Variants in CD4 observed in about 807,000 individuals in gnomAD.
CD4 encodes the protein T-cell surface glycoprotein CD4.
In CD4, 25 loss-of-function variants were observed where a neutral mutation model predicts 50.5. The observed-to-expected ratio is 0.49, with a 90% CI of 0.36 to 0.69. CD4 has a LOEUF of 0.69. CD4 is among the 30% of genes least tolerant of loss of function. CD4 has a pLI of 0.00. For missense variants in CD4, 456 were observed against 548.5 expected, an observed-to-expected ratio of 0.83 and a Z score of 1.68; for synonymous variants, 207 against 221.9, an observed-to-expected ratio of 0.93 and a Z score of 0.60.
rs999862168 is a variant in CD4 at position 6,818,208 on chromosome 12, T to C, written c.1157-213T>C. Reference sequence around the variant, plus strand: ...ACAGCCCAGGAGCCAGACCACAGCTTCTCTCTCTCCAGAGTGCCCTGGATA... The same window carrying C: ...ACAGCCCAGGAGCCAGACCACAGCTCCTCTCTCTCCAGAGTGCCCTGGATA... On this transcript the variant is annotated intron_variant, in intron 7 of 9. Transcript: ENST00000011653. This position sits in a 1 kb window ranked among gnomAD's most constrained non-coding sequence, Gnocchi z 5.0. 8.5e-5 allele frequency among the ~76,000 whole-genome samples: 13 copies of C among 152,074 alleles called. No individual in the cohort carries two copies. The highest frequency in any genetic ancestry group is 1.2e-4 in the Non-Finnish European group (8 of 67,998).
intron 3 of CD4, among the ~76,000 whole-genome samples, chr12:6,806,439 G>A (rs1942761174): frequency 6.6e-6 from 1 of 151,998 alleles, no homozygotes; most frequent in Non-Finnish European, 1.5e-5. Flanking sequence ...GAGCCAAGAT[G>A]TTGCCTGGTT....
Position 6,815,691 on chromosome 12 carries a change from G to A in CD4, c.608-365G>A, listed in dbSNP as rs1010118898. On this transcript the variant is annotated intron_variant, in intron 5 of 9. Coordinates refer to ENST00000011653, the MANE Select transcript of CD4 (RefSeq NM_000616.5). ...GGCACTGAAAATGGTGCCTGGCACA[G>A]AGTAAGCCCTAGTTAAGTGTTCGCT... The A allele has an allele frequency of 1.8e-5, 24 of 1,306,462 alleles. No individual in the cohort carries two copies. The East Asian group carries it at 1.1e-3, about 62-fold the overall frequency. The allele number at this position is 1,306,462 out of a possible 1,614,324, so 80.9% of individuals were successfully genotyped here.
intron 1 of CD4, among the ~76,000 whole-genome samples, chr12:6,791,274 G>T (rs1433403928): frequency 6.6e-6 from 1 of 152,102 alleles, no homozygotes; most frequent in African/African-American, 2.4e-5. Flanking sequence ...ACGGAGTCTC[G>T]CTCTCTTGCC....
rs143646863 is a variant in CD4 at position 6,814,954 on chromosome 12, A to G, written c.569A>G (p.Gln190Arg). ...TGGACATGCACTGTCTTGCAGAACC[A>G]GAAGAAGGTGGAGTTCAAAATAGAC... ...GTWTCTVLQN[Q>R]KKVEFKIDIV... Residue 190 changes from glutamine to arginine, a missense_variant, in exon 5 of 10, where the codon CAG (glutamine) becomes CGG (arginine). Physicochemically the swap from Gln to Arg is conservative, Grantham distance 43 (BLOSUM62 1). Coordinates refer to ENST00000011653, the MANE Select transcript of CD4 (RefSeq NM_000616.5). The G allele has an allele frequency of 6.2e-7, 1 of 1,613,578 alleles. No individual in the cohort carries two copies. Among genetic ancestry groups the G allele is most frequent in the African/African-American group, 1.3e-5 (1 of 75,006 alleles).
rs866248258 is a variant in CD4, at chr12:6,792,460, G to A, written c.-68+2798G>A. ...TTCCTCTTTTTTTGTACTACCCTGC[G>A]CTTTGTGTGTGATTGTGGATTGTGT... On this transcript the variant is annotated intron_variant, in intron 1 of 9. Coordinates refer to ENST00000011653, the MANE Select transcript of CD4 (RefSeq NM_000616.5). This position sits in a 1 kb window ranked among gnomAD's most constrained non-coding sequence, Gnocchi z 4.1. Among the ~76,000 whole-genome samples the A allele has an allele frequency of 2.6e-5, 4 of 151,976 alleles. No individual in the cohort carries two copies. The highest frequency in any genetic ancestry group is 6.5e-5 in the Admixed American group (1 of 15,270).
chr12:6,792,146 C>T lies in CD4; in HGVS notation c.-68+2484C>T, dbSNP rs1248291170. 6.6e-6 allele frequency among the ~76,000 whole-genome samples: 1 copy of T among 152,156 alleles called. No homozygotes were observed. The highest frequency in any genetic ancestry group is 1.5e-5 in the Non-Finnish European group (1 of 68,018). ...TAGAGAGGGTGAACGCGGTGGGGCA[C>T]ATCCCGCGGCTGGGCTTGAGTGGGC... On this transcript the variant is annotated intron_variant, in intron 1 of 9. Transcript: ENST00000011653. The surrounding 1 kb of genome is among the most constrained non-coding windows in gnomAD (Gnocchi z 4.1).
intron 5 of CD4, among the ~76,000 whole-genome samples, chr12:6,815,373 C>G (rs1833305102): frequency 6.6e-6 from 1 of 152,120 alleles, no homozygotes; most frequent in South Asian, 2.1e-4. Context: ...GTAAGCCAAC[C>G]CTGATGATGT....
intron 1 of CD4, among the ~76,000 whole-genome samples, chr12:6,790,072 GA>G (rs1276147353): frequency 6.6e-6 from 1 of 151,146 alleles, no homozygotes; most frequent in Non-Finnish European, 1.5e-5. Flanking sequence ...GAAGGGGAGG[GA>G]AAAAATTAGA....
intron 7 of CD4, among the ~76,000 whole-genome samples, chr12:6,817,586 G>C (rs1186747197): frequency 6.6e-6 from 1 of 151,920 alleles, no homozygotes; most frequent in Non-Finnish European, 1.5e-5. Flanking sequence ...CTACAGCCTA[G>C]GGATGGGGTC....
chr12:6,808,014 A>G (rs1591554836), intron 3 of CD4, among the ~76,000 whole-genome samples: 1 of 123,892 alleles, frequency 8.1e-6, no homozygotes, highest in East Asian at 2.7e-4. Context: ...CGGGAGGTGG[A>G]GGTTGCAGTG....
chr12:6,815,027 T>C, intron 5 of CD4, 35 bp downstream of exon 5: 2 of 1,440,332 alleles, frequency 1.4e-6, no homozygotes. Context: ...GTCTCCTCCC[T>C]GCCCCAGGGG....
At chr12:6,812,718 C>T (rs1176725422) in intron 3 of CD4, among the ~76,000 whole-genome samples, 1 of 151,454 alleles carries the variant, frequency 6.6e-6, no homozygotes, top group African/African-American at 2.4e-5. Context: ...GAAAAGCTTT[C>T]TTCCTACACA....
chr12:6,797,163 A>G (rs1486402037), intron 1 of CD4, among the ~76,000 whole-genome samples: 2 of 152,072 alleles, frequency 1.3e-5, no homozygotes, highest in Non-Finnish European at 2.9e-5. Flanking sequence ...GCTGCTACTG[A>G]TCCAGGACTT....
chr12:6,805,536 G>A (rs1308989173), intron 3 of CD4, among the ~76,000 whole-genome samples: 6 of 150,302 alleles, frequency 4.0e-5, no homozygotes, highest in Admixed American at 4.0e-4. Flanking sequence ...ACTCCAGCCT[G>A]GGCAACAGAG....
At chr12:6,802,938 G>A (rs1301339007) in intron 3 of CD4, among the ~76,000 whole-genome samples, 1 of 151,928 alleles carries the variant, frequency 6.6e-6, no homozygotes, top group African/African-American at 2.4e-5. Context: ...GTTCCACCAT[G>A]CTAGCAGGAT....
At chr12:6,812,413 C>T (rs1942964233) in intron 3 of CD4, among the ~76,000 whole-genome samples, 1 of 152,164 alleles carries the variant, frequency 6.6e-6, no homozygotes, top group Non-Finnish European at 1.5e-5. Flanking sequence ...GGTGTGGTGG[C>T]TCACGCCTGT....
intron 3 of CD4, among the ~76,000 whole-genome samples, chr12:6,806,696 G>A (rs372206841): frequency 6.6e-6 from 1 of 152,102 alleles, no homozygotes; most frequent in Non-Finnish European, 1.5e-5. Flanking sequence ...AATCATTAGG[G>A]ATATGTACAT....
chr12:6,794,868 C>T (rs907602295), intron 1 of CD4, among the ~76,000 whole-genome samples: 1 of 147,566 alleles, frequency 6.8e-6, no homozygotes, highest in Non-Finnish European at 1.5e-5. Context: ...CACTGCTGAA[C>T]CTCCGCCTCC....
intron 5 of CD4, among the ~76,000 whole-genome samples, chr12:6,815,431 C>T (rs1290389102): frequency 6.6e-6 from 1 of 152,132 alleles, no homozygotes; most frequent in African/African-American, 2.4e-5. Flanking sequence ...GTGGGGAGAC[C>T]AAGGTCCTAC....
Sources: gnomAD v4.1 joint callset for allele counts (sites outside exome capture counted in the v4.1 genomes callset) on GRCh38, gnomAD v4.1.1 for gene constraint, Gnocchi (gnomAD v3.1) non-coding constraint, MANE v1.5 for transcripts, NCBI Gene and HGNC (gene_info 2026-07-23, HGNC 2026-07-21) for gene names.